TNN: variants seen among roughly 807,000 people sequenced by gnomAD.
TNN encodes tenascin N.
In TNN, 122 loss-of-function variants were observed where a neutral mutation model predicts 134.4. The ratio of observed to expected loss-of-function variants is 0.91; its 90% confidence interval spans 0.78 to 1.06. The LOEUF (loss-of-function observed/expected upper bound fraction) is 1.06. Ranked by LOEUF, TNN falls within the 50% of genes least tolerant of loss-of-function variation. The pLI, the probability that TNN is intolerant of heterozygous loss-of-function variation, is 0.00. For synonymous variants in TNN, 710 were observed against 670.3 expected (o/e 1.06, Z -0.91); for missense variants, 1,739 against 1,699.4 (o/e 1.02, Z -0.41).
chr1:175,110,423 C>G lies in TNN; in HGVS notation c.2120-6516C>G, dbSNP rs565749141. ...CTTTTGTTGCCTGTGCTTTTGCAGTCTTACCCAAAATATCTGCCTAGACCA... is the reference window on the plus strand; with the variant it reads ...CTTTTGTTGCCTGTGCTTTTGCAGTGTTACCCAAAATATCTGCCTAGACCA... On this transcript the variant is annotated intron_variant, in intron 9 of 18. Transcript: ENST00000239462. Among the ~76,000 whole-genome samples, 10 of 152,318 alleles carry G rather than the reference C, an allele frequency of 6.6e-5. No individual in the cohort carries two copies. In the South Asian group the frequency reaches 2.1e-3, roughly 32 times the overall value.
At chr1:175,125,698 TTTC>T (rs1675495375) in intron 12 of TNN, among the ~76,000 whole-genome samples, 2 of 47,310 alleles carry the variant, frequency 4.2e-5, no homozygotes, top group Non-Finnish European at 8.5e-5. Flanking sequence ...TTCTCTCTTT[TTTC>T]TCTCTTTCTT....
chr1:175,121,250 CAGA>C (rs1306762845), intron 11 of TNN, among the ~76,000 whole-genome samples: 1 of 152,154 alleles, frequency 6.6e-6, no homozygotes, highest in African/African-American at 2.4e-5. Flanking sequence ...AGTGTGCTTA[CAGA>C]AGAAGGGGGA....
At position 175,145,552 on chromosome 1, in the gene TNN, C is replaced by CAAAAAAAAAAAAAAAAAAAAAA. The variant is rs3028580; in HGVS notation, c.3759+1004_3759+1025dup. ...TGGGTGGCAGAGCAAGACCCTGTCTCAAAAAAAAAAAAAAAAAAAAAAAGC... is the reference window on the plus strand; with the variant it reads ...TGGGTGGCAGAGCAAGACCCTGTCTCAAAAAAAAAAAAAAAAAAAAAAAAAAAAAAAAAAAAAAAAAAAAAGC... On this transcript the variant is annotated intron_variant, in intron 18 of 18. Transcript: ENST00000239462. 3.5e-4 allele frequency among the ~76,000 whole-genome samples: 10 copies of CAAAAAAAAAAAAAAAAAAAAAA among 28,910 alleles called. 1 individual carries two copies. The highest frequency in any genetic ancestry group is 0.029 in the Middle Eastern group (1 of 34). 19.0% of individuals were successfully genotyped at this position (28,910 alleles called of 152,430 possible).
At chr1:175,090,448 C>A (rs1027659891) in intron 6 of TNN, among the ~76,000 whole-genome samples, 1 of 32,178 alleles carries the variant, frequency 3.1e-5, no homozygotes, top group Non-Finnish European at 6.1e-5. Context: ...ACAGGTCCTG[C>A]CCCCCGTGTC....
chr1:175,082,819 C>A (rs763092469), intron 4 of TNN, among the ~76,000 whole-genome samples: 36 of 152,114 alleles, frequency 2.4e-4, no homozygotes, highest in Non-Finnish European at 3.8e-4. Context: ...AGGGCCTTGG[C>A]TTTCCTGTCA....
At chr1:175,119,703 C>A (rs1012643936) in intron 11 of TNN, among the ~76,000 whole-genome samples, 2 of 143,384 alleles carry the variant, frequency 1.4e-5, no homozygotes, top group African/African-American at 5.3e-5. Context: ...GGCGCTATCT[C>A]GGCTCACTGC....
At chr1:175,133,915 T>C (rs74126910) in intron 15 of TNN, among the ~76,000 whole-genome samples, 1,566 of 152,320 alleles carry the variant, frequency 0.01, 32 homozygotes, top group African/African-American at 0.036. Context: ...CATGGCCCCA[T>C]GGTGCATGGC....
At chr1:175,078,710 C>T (rs917808941) in intron 2 of TNN, among the ~76,000 whole-genome samples, 1 of 152,236 alleles carries the variant, frequency 6.6e-6, no homozygotes, top group Non-Finnish European at 1.5e-5. Flanking sequence ...GGAGACTGCA[C>T]TAACCAGTCT....
In TNN at chr1:175,136,801, A is replaced by G; in HGVS notation, c.3428-20A>G. The G allele has an allele frequency of 6.2e-7, 1 of 1,610,818 alleles. No individual in the cohort carries two copies. Among genetic ancestry groups the G allele is most frequent in the Non-Finnish European group, 8.5e-7 (1 of 1,177,868 alleles). On this transcript the variant is annotated intron_variant, in intron 16 of 18. Coordinates refer to ENST00000239462, the MANE Select transcript of TNN (RefSeq NM_022093.2). ...ACACATGGGTTGATTGATTATTGGA[A>G]TTCCGTTTTTTATTTTTAGGACTTG...
intron 4 of TNN, among the ~76,000 whole-genome samples, chr1:175,082,028 G>A (rs1487264883): frequency 1.3e-5 from 2 of 152,206 alleles, no homozygotes; most frequent in Admixed American, 6.5e-5. Context: ...TTTTTGTCTT[G>A]ATCTATGCGG....
chr1:175,115,058 C>T (rs1187522120), intron 9 of TNN, among the ~76,000 whole-genome samples: 1 of 152,090 alleles, frequency 6.6e-6, no homozygotes, highest in Non-Finnish European at 1.5e-5. Flanking sequence ...GGGGCCTAGT[C>T]CAGCTCTAGG....
At chr1:175,130,629 C>G (rs778142165) in intron 15 of TNN, among the ~76,000 whole-genome samples, 2 of 152,124 alleles carry the variant, frequency 1.3e-5, no homozygotes, top group Non-Finnish European at 2.9e-5. Flanking sequence ...TTATCTGGGG[C>G]AACATTTAGA....
At position 175,077,818 on chromosome 1, in the gene TNN, G is replaced by A. The variant is rs868866070; in HGVS notation, c.400G>A (p.Gly134Arg). The A allele has an allele frequency of 2.5e-6, 4 of 1,609,656 alleles. No individual in the cohort carries two copies. The highest frequency in any genetic ancestry group is 3.4e-6 in the Non-Finnish European group (4 of 1,176,326). Residue 134 changes from glycine to arginine, a missense_variant, in exon 2 of 19, where the codon GGA becomes AGA. Transcript: ENST00000239462. Reference sequence around the variant, plus strand: ...GTGTAGTGCCCAGCGCTGCTGCCAGGGAGTCACTGGTGAGCTCACCACCTG... The same window carrying A: ...GTGTAGTGCCCAGCGCTGCTGCCAGAGAGTCACTGGTGAGCTCACCACCTG... ...EQCSAQRCCQGVTDLSRHCSG... is the reference protein window; with the variant it reads ...EQCSAQRCCQRVTDLSRHCSG...
At chr1:175,108,591 G>C (rs542410881) in intron 9 of TNN, among the ~76,000 whole-genome samples, 1 of 152,252 alleles carries the variant, frequency 6.6e-6, no homozygotes. Context: ...TGCAGGTCTC[G>C]AGCCCTGCCC....
At position 175,144,471 on chromosome 1, in the gene TNN, C is replaced by A. The variant is rs78262989; in HGVS notation, c.3680C>A (p.Thr1227Lys). ...NDIALSNCAL[T>K]HHGGWWYKNC... ...ATCGCACTCAGCAACTGTGCCCTGA[C>A]ACATCATGGTGGCTGGTGGTATAAG... is the stretch of plus-strand genomic sequence containing the variant. The change falls in exon 18 of 19, where the codon ACA becomes AAA. Residue 1227 changes from threonine (T) to lysine (K), a missense_variant. Thr to Lys is a moderately conservative substitution (Grantham distance 78, BLOSUM62 -1). Transcript: ENST00000239462. 6.2e-7 allele frequency: 1 copy of A among 1,614,238 alleles called. No homozygotes were observed. The highest frequency in any genetic ancestry group is 1.7e-5 in the Admixed American group (1 of 60,032).
chr1:175,124,507 C>T (rs1675459402), intron 12 of TNN, among the ~76,000 whole-genome samples: 1 of 152,064 alleles, frequency 6.6e-6, no homozygotes, highest in Non-Finnish European at 1.5e-5. Flanking sequence ...ATGGAGAAAC[C>T]CCGTCTCTAC....
intron 9 of TNN, among the ~76,000 whole-genome samples, chr1:175,107,155 C>T (rs955123777): frequency 2.0e-5 from 3 of 146,424 alleles, no homozygotes; most frequent in Non-Finnish European, 4.5e-5. Context: ...AAGGATGAAG[C>T]CGCAAACCCT....
intron 9 of TNN, among the ~76,000 whole-genome samples, chr1:175,100,359 G>A (rs1055153269): frequency 6.6e-6 from 1 of 152,190 alleles, no homozygotes; most frequent in Non-Finnish European, 1.5e-5. Context: ...CTGCTCTAGG[G>A]TATGCAAAAC....
At position 175,079,669 on chromosome 1, in the gene TNN, A is replaced by T. The variant is rs533347179; in HGVS notation, c.746A>T (p.Tyr249Phe). 1 of 1,608,984 alleles carries T rather than the reference A, an allele frequency of 6.2e-7. No homozygotes were observed. ...GGCTTCTGTGACACGGGCGAGTGCT[A>T]CTGCGAGGAGGGCTTCACAGGCCTG... ...GHGFCDTGEC[Y>F]CEEGFTGLDC... is the part of the protein sequence containing the mutation. Residue 249 changes from tyrosine (Y) to phenylalanine (F), a missense_variant, in exon 3 of 19, where the codon TAC becomes TTC. Physicochemically the swap from Tyr to Phe is conservative, Grantham distance 22 (BLOSUM62 3). Coordinates refer to ENST00000239462, the MANE Select transcript of TNN (RefSeq NM_022093.2).
Sources: allele counts gnomAD v4.1 joint callset (sites outside exome capture counted in the v4.1 genomes callset), GRCh38; gene constraint gnomAD v4.1.1; transcripts MANE v1.5; gene names NCBI Gene and HGNC (gene_info 2026-07-23, HGNC 2026-07-21).